The following SNTG1 variants were observed in gnomAD, a reference collection of about 807,000 sequenced individuals.
The protein encoded by SNTG1 is syntrophin gamma 1, also known as gamma-1-syntrophin.
A neutral mutation model predicts 74.7 loss-of-function variants in SNTG1; 39 were observed. That is an observed-to-expected ratio of 0.52 (90% CI 0.40 to 0.68). The LOEUF (loss-of-function observed/expected upper bound fraction) is 0.68, where lower values mean the gene tolerates loss of function less well. Among genes scored for constraint, SNTG1 ranks in the 30% least tolerant of loss-of-function variants. SNTG1 has a pLI of 0.00. For synonymous variants in SNTG1, 254 were observed against 217.1 expected (o/e 1.17, Z -1.49); for missense variants, 685 against 609.5 (o/e 1.12, Z -1.30).
At chr8:50,521,931 A>C (rs1373344455) in intron 9 of SNTG1, among the ~76,000 whole-genome samples, 1 of 152,048 alleles carries the variant, frequency 6.6e-6, no homozygotes. Flanking sequence ...AAAGTCACCC[A>C]TGAGTTGGCA....
chr8:50,393,601 C>A (rs1587453122), intron 2 of SNTG1, among the ~76,000 whole-genome samples: 1 of 152,184 alleles, frequency 6.6e-6, no homozygotes, highest in Non-Finnish European at 1.5e-5. Context: ...GTATTTAAAT[C>A]TACATTCATC....
chr8:50,767,647 G>C (rs1311294465), intron 18 of SNTG1, among the ~76,000 whole-genome samples: 2 of 151,814 alleles, frequency 1.3e-5, no homozygotes, highest in Admixed American at 1.3e-4. Context: ...TATTGCCACT[G>C]ATAACTTAAA....
chr8:50,111,971 TG>T (rs1270365141), intron 1 of SNTG1, among the ~76,000 whole-genome samples: 2 of 152,150 alleles, frequency 1.3e-5, no homozygotes, highest in East Asian at 1.9e-4. Context: ...AGTAACTTTA[TG>T]GCATAAATCT....
intron 1 of SNTG1, among the ~76,000 whole-genome samples, chr8:49,958,666 G>T (rs1024605645): frequency 6.6e-6 from 1 of 152,092 alleles, no homozygotes; most frequent in East Asian, 1.9e-4. Flanking sequence ...TGATCCACCC[G>T]CCTTGGCCTC....
intron 13 of SNTG1, among the ~76,000 whole-genome samples, chr8:50,631,512 C>CAA (rs2094997247): frequency 6.6e-6 from 1 of 152,122 alleles, no homozygotes; most frequent in Admixed American, 6.5e-5. Flanking sequence ...ATCAAATTAA[C>CAA]AGTGAATGAC....
At chr8:50,422,806 T>A (rs2093110600) in intron 4 of SNTG1, among the ~76,000 whole-genome samples, 1 of 152,212 alleles carries the variant, frequency 6.6e-6, no homozygotes, top group South Asian at 2.1e-4. Flanking sequence ...AGCAGTTGTG[T>A]ATGTCTACAC....
At chr8:50,197,376 C>A (rs969154594) in intron 2 of SNTG1, among the ~76,000 whole-genome samples, 3 of 152,080 alleles carry the variant, frequency 2.0e-5, no homozygotes, top group Non-Finnish European at 4.4e-5. Context: ...GTTTATTGTG[C>A]TCTAATGCTT....
chr8:50,469,598 A>G (rs1345096613), intron 8 of SNTG1, among the ~76,000 whole-genome samples: 2 of 152,014 alleles, frequency 1.3e-5, no homozygotes, highest in East Asian at 3.9e-4. Flanking sequence ...CACTCACCTT[A>G]AGGCCTTTGT....
chr8:50,084,029 C>T (rs150276411), intron 1 of SNTG1, among the ~76,000 whole-genome samples: 32 of 152,260 alleles, frequency 2.1e-4, no homozygotes, highest in African/African-American at 7.7e-4. Flanking sequence ...ATTAAACACA[C>T]AAATTATTTT....
intron 13 of SNTG1, among the ~76,000 whole-genome samples, chr8:50,629,351 T>A (rs2094979849): frequency 6.6e-6 from 1 of 152,168 alleles, no homozygotes; most frequent in South Asian, 2.1e-4. Flanking sequence ...TCCTTTATGT[T>A]GTAGTAAGTT....
chr8:50,328,051 A>G (rs564964923), intron 2 of SNTG1, among the ~76,000 whole-genome samples: 101 of 152,268 alleles, frequency 6.6e-4, no homozygotes, highest in Admixed American at 1.3e-3. Flanking sequence ...TTATTTTAAC[A>G]AACGTTTTGC....
chr8:50,055,312 T>C (rs1291659009), intron 1 of SNTG1, among the ~76,000 whole-genome samples: 1 of 152,122 alleles, frequency 6.6e-6, no homozygotes, highest in African/African-American at 2.4e-5. Context: ...TTGCTACCTC[T>C]GGGAAAGCAA....
At chr8:50,420,788 A>G (rs2093071936) in intron 4 of SNTG1, among the ~76,000 whole-genome samples, 1 of 138,680 alleles carries the variant, frequency 7.2e-6, no homozygotes, top group Admixed American at 7.1e-5. Context: ...GCACTTTGGG[A>G]GGCTGAGGCG....
intron 2 of SNTG1, among the ~76,000 whole-genome samples, chr8:50,378,774 G>T (rs2092432061): frequency 6.6e-6 from 1 of 152,036 alleles, no homozygotes; most frequent in Non-Finnish European, 1.5e-5. Flanking sequence ...AGCAGAGAGG[G>T]TAGCTCCTCT....
chr8:50,780,340 T>C (rs1218742311), intron 18 of SNTG1, among the ~76,000 whole-genome samples: 3 of 152,192 alleles, frequency 2.0e-5, no homozygotes, highest in Non-Finnish European at 4.4e-5. Context: ...TCCTGGACTC[T>C]TTTTGGTTGG....
At chr8:50,116,436 C>T (rs1312710645) in intron 1 of SNTG1, among the ~76,000 whole-genome samples, 2 of 152,156 alleles carry the variant, frequency 1.3e-5, no homozygotes, top group African/African-American at 2.4e-5. Context: ...TTTTTACCCA[C>T]CCTTTGATTT....
chr8:50,701,350 C>A (rs2095422907), intron 15 of SNTG1, among the ~76,000 whole-genome samples: 1 of 152,152 alleles, frequency 6.6e-6, no homozygotes, highest in Non-Finnish European at 1.5e-5. Context: ...ATAACCAGAT[C>A]AATCATCCCA....
intron 2 of SNTG1, among the ~76,000 whole-genome samples, chr8:50,186,634 G>A (rs1056006408): frequency 2.6e-5 from 4 of 152,024 alleles, no homozygotes; most frequent in Non-Finnish European, 5.9e-5. Context: ...GTGATAATGA[G>A]CTTTTTTTCA....
At chr8:50,782,640 T>TTTGTTTTGAATTTCC (rs1554634253) in intron 18 of SNTG1, among the ~76,000 whole-genome samples, 1 of 151,866 alleles carries the variant, frequency 6.6e-6, no homozygotes, top group African/African-American at 2.4e-5. Context: ...CTTCTTTGCC[T>TTTGTTTTGAATTTCC]TTGGTTTGAA....
Sources: gnomAD v4.1 joint callset for allele counts (sites outside exome capture counted in the v4.1 genomes callset) on GRCh38, gnomAD v4.1.1 for gene constraint, MANE v1.5 for transcripts, NCBI Gene and HGNC (gene_info 2026-07-23, HGNC 2026-07-21) for gene names.